Variants in PRIM2 observed in about 807,000 individuals in gnomAD.
PRIM2 encodes DNA primase large subunit.
Under a neutral mutation model 67.3 loss-of-function variants are expected in PRIM2, and 39 were observed. The observed-to-expected ratio is 0.58, with a 90% confidence interval of 0.45 to 0.76. The LOEUF (loss-of-function observed/expected upper bound fraction) is 0.76, where lower values mean the gene tolerates loss of function less well. Ranked by LOEUF, PRIM2 falls within the 30% of genes least tolerant of loss-of-function variation. PRIM2 has a pLI of 0.00. For synonymous variants in PRIM2, 143 were observed against 198.7 expected (o/e 0.72, Z 2.36); for missense variants, 398 against 598.7 (o/e 0.66, Z 3.50).
At chr6:57,425,376 C>A (rs1211264222) in intron 7 of PRIM2, among the ~76,000 whole-genome samples, 1 of 152,052 alleles carries the variant, frequency 6.6e-6, no homozygotes, top group Non-Finnish European at 1.5e-5. Context: ...CACATCACAC[C>A]CAGCTAATTT....
chr6:57,559,384 T>C (rs1775584083), intron 10 of PRIM2, among the ~76,000 whole-genome samples: 1 of 152,120 alleles, frequency 6.6e-6, no homozygotes, highest in Non-Finnish European at 1.5e-5. Context: ...CTAGTGAATT[T>C]TTGCAGTCTT....
the PRIM2 span, among the ~76,000 whole-genome samples, chr6:57,281,842 A>T: frequency 2.8e-3 from 433 of 152,270 alleles, no homozygotes; most frequent in Admixed American, 6.0e-3. Flanking sequence ...TATGTTTATT[A>T]AAAAAAGCCA....
chr6:57,456,191 C>A (rs1404745148), intron 7 of PRIM2, among the ~76,000 whole-genome samples: 2 of 151,928 alleles, frequency 1.3e-5, no homozygotes, highest in Non-Finnish European at 2.9e-5. Context: ...GTGGGTAACC[C>A]GACCTTTCTC....
At chr6:57,459,074 T>C (rs1354770628) in intron 7 of PRIM2, among the ~76,000 whole-genome samples, 1 of 152,234 alleles carries the variant, frequency 6.6e-6, no homozygotes, top group Non-Finnish European at 1.5e-5. Context: ...CAATGAGTTT[T>C]GGAGTAAGAC....
chr6:57,306,970 G>A, the PRIM2 span, among the ~76,000 whole-genome samples: 1 of 152,234 alleles, frequency 6.6e-6, no homozygotes, highest in East Asian at 1.9e-4. Flanking sequence ...GGAGACCAAG[G>A]CAGGTGGATC....
At chr6:57,375,955 C>T (rs1237052545) in intron 5 of PRIM2, among the ~76,000 whole-genome samples, 16 of 151,944 alleles carry the variant, frequency 1.1e-4, no homozygotes, top group Admixed American at 2.6e-4. Flanking sequence ...ATCTGTAATT[C>T]TAACACTTTG....
chr6:57,324,371 GA>G, intron 4 of PRIM2, 91 bp downstream of exon 4: 1 of 688,758 alleles, frequency 1.5e-6, no homozygotes. Flanking sequence ...CTAAACATAG[GA>G]AAACCCAGAA....
chr6:57,589,006 C>T (rs1296000320), intron 10 of PRIM2, among the ~76,000 whole-genome samples: 2 of 152,090 alleles, frequency 1.3e-5, no homozygotes, highest in Non-Finnish European at 2.9e-5. Context: ...ATGGATGGCT[C>T]CTAGTAATTT....
the PRIM2 span, among the ~76,000 whole-genome samples, chr6:57,299,975 G>A: frequency 6.6e-6 from 1 of 152,266 alleles, no homozygotes; most frequent in South Asian, 2.1e-4. Context: ...AAGGATTGAC[G>A]TTCTTTGTCT....
chr6:57,458,649 C>T (rs1351130481), intron 7 of PRIM2, among the ~76,000 whole-genome samples: 3 of 152,168 alleles, frequency 2.0e-5, no homozygotes, highest in Non-Finnish European at 4.4e-5. Context: ...TGCGCCATTG[C>T]ACTCCAGCCT....
At chr6:57,246,391 A>C in the PRIM2 span, among the ~76,000 whole-genome samples, 1 of 152,212 alleles carries the variant, frequency 6.6e-6, no homozygotes, top group Non-Finnish European at 1.5e-5. Flanking sequence ...ATGTTAGTGA[A>C]ATACAGCTGG....
intron 10 of PRIM2, among the ~76,000 whole-genome samples, chr6:57,548,256 A>G (rs1775329164): frequency 6.6e-6 from 1 of 152,178 alleles, no homozygotes; most frequent in Non-Finnish European, 1.5e-5. Context: ...AGAAGTGCCA[A>G]AGTTAGAGCA....
At chr6:57,492,533 A>G (rs1773919296) in intron 7 of PRIM2, among the ~76,000 whole-genome samples, 1 of 124,356 alleles carries the variant, frequency 8.0e-6, no homozygotes, top group Non-Finnish European at 1.7e-5. Flanking sequence ...ACAGAGGGAG[A>G]ACTCTCTCTA....
upstream of PRIM2, among the ~76,000 whole-genome samples, chr6:57,311,102 C>G (rs1305200393): frequency 7.5e-6 from 1 of 133,684 alleles, no homozygotes; most frequent in Non-Finnish European, 1.6e-5. Flanking sequence ...GGGTGGTGGC[C>G]GGGCAGAGAT....
chr6:57,521,835 ACT>A (rs1273265722), intron 8 of PRIM2, among the ~76,000 whole-genome samples: 1 of 152,018 alleles, frequency 6.6e-6, no homozygotes, highest in African/African-American at 2.4e-5. Flanking sequence ...AACGTCAGAA[ACT>A]CTGTCTGCTG....
rs1253572423 is a variant in PRIM2, at chr6:57,416,565, T to G, written c.693+34397T>G. On this transcript the variant is annotated intron_variant, in intron 7 of 13. Coordinates refer to ENST00000615550, the MANE Select transcript of PRIM2 (RefSeq NM_000947.5). Reference sequence around the variant, plus strand: ...AGCTTTGAAGCCAGGCTTTGACTTCTCTCTAGCTATGAAAGTCCTATATGG... The same window carrying G: ...AGCTTTGAAGCCAGGCTTTGACTTCGCTCTAGCTATGAAAGTCCTATATGG... 4.6e-4 allele frequency among the ~76,000 whole-genome samples: 70 copies of G among 152,340 alleles called. 1 individual carries two copies. Among genetic ancestry groups the G allele is most frequent in the African/African-American group, 1.5e-3 (64 of 41,582 alleles).
intron 8 of PRIM2, among the ~76,000 whole-genome samples, chr6:57,528,009 G>A (rs1206508404): frequency 1.3e-5 from 2 of 151,714 alleles, no homozygotes; most frequent in African/African-American, 4.8e-5. Flanking sequence ...CCTCATCCAG[G>A]CTGGACTGCA....
In PRIM2 at chr6:57,583,722, C is replaced by G. The variant is rs1368184391; in HGVS notation, c.1021-17371C>G. 6.6e-5 allele frequency among the ~76,000 whole-genome samples: 10 copies of G among 152,220 alleles called. No individual in the cohort carries two copies. In the East Asian group the frequency reaches 1.2e-3, roughly 18 times the overall value. ...GGGATGGCTGGGTCAAATGGTATTT[C>G]TAGTTCTAGATCCCTGAGGAATCGC... On this transcript the variant is annotated intron_variant, in intron 10 of 13. Coordinates refer to ENST00000615550, the MANE Select transcript of PRIM2 (RefSeq NM_000947.5).
At chr6:57,557,828 G>C (rs1425599295) in intron 10 of PRIM2, among the ~76,000 whole-genome samples, 168 of 150,772 alleles carry the variant, frequency 1.1e-3, no homozygotes, top group African/African-American at 3.1e-3. Context: ...GTCTATACTA[G>C]ACTGTTATAA....
Sources: gnomAD v4.1 joint callset for allele counts (sites outside exome capture counted in the v4.1 genomes callset) on GRCh38, gnomAD v4.1.1 for gene constraint, MANE v1.5 for transcripts, NCBI Gene and HGNC (gene_info 2026-07-23, HGNC 2026-07-21) for gene names.